Variants in OR7C1 observed in about 807,000 individuals in gnomAD.
OR7C1 encodes olfactory receptor 7C1.
For missense variants in OR7C1, 324 were observed against 383.3 expected, an observed-to-expected ratio of 0.85 and a Z score of 1.29; for synonymous variants, 152 against 160.7, an observed-to-expected ratio of 0.95 and a Z score of 0.41.
chr19:14,828,074 G>A, intron 1 of OR7C1: 2 of 1,614,206 alleles, frequency 1.2e-6, no homozygotes, highest in Non-Finnish European at 1.7e-6. Context: ...ACATGGGGGT[G>A]TGGAGGTGGG....
At chr19:14,801,259 G>GTTCTC (rs1568246935) in intron 2 of OR7C1, among the ~76,000 whole-genome samples, 1 of 152,080 alleles carries the variant, frequency 6.6e-6, no homozygotes, top group African/African-American at 2.4e-5. Context: ...TATCTGCATG[G>GTTCTC]AGTTGATACT....
At chr19:14,833,427 C>A (rs117594238) in intron 1 of OR7C1, among the ~76,000 whole-genome samples, 2,173 of 152,224 alleles carry the variant, frequency 0.014, 26 homozygotes, top group South Asian at 0.027. Flanking sequence ...TGCAGTGAGC[C>A]AAGATCGCAC....
At chr19:14,817,023 G>T (rs2044719324) in intron 1 of OR7C1, among the ~76,000 whole-genome samples, 1 of 152,048 alleles carries the variant, frequency 6.6e-6, no homozygotes, top group South Asian at 2.1e-4. Context: ...AGCAGATACA[G>T]GGAGCTGTGG....
At chr19:14,830,507 A>T (rs10412677) in intron 1 of OR7C1, among the ~76,000 whole-genome samples, 71,054 of 151,482 alleles carry the variant, frequency 0.47, 17,305 homozygotes, top group East Asian at 0.7. Context: ...AATAAAAGCG[A>T]CCCTGGTTAT....
At chr19:14,799,732 G>A (rs746455626) in exon 5 of OR7C1, 1 of 1,614,128 alleles carries the variant, frequency 6.2e-7, no homozygotes, top group Non-Finnish European at 8.5e-7. Flanking sequence ...GGGGGTTCAT[G>A]ATGACCGTAT....
intron 1 of OR7C1, among the ~76,000 whole-genome samples, chr19:14,812,510 G>A (rs753080566): frequency 6.6e-6 from 1 of 152,142 alleles, no homozygotes; most frequent in Non-Finnish European, 1.5e-5. Context: ...TGCATCCCCT[G>A]TCACGTACCC....
chr19:14,807,966 A>C (rs1305203809), intron 2 of OR7C1, among the ~76,000 whole-genome samples: 2 of 150,336 alleles, frequency 1.3e-5, no homozygotes, highest in Non-Finnish European at 3.0e-5. Context: ...AAATTTCTCT[A>C]CATCCTCACC....
chr19:14,799,483 G>A, exon 5 of OR7C1: 1 of 1,614,180 alleles, frequency 6.2e-7, no homozygotes, highest in Non-Finnish European at 8.5e-7. Flanking sequence ...CAATTTTATA[G>A]TAAGAGAAAA....
intron 1 of OR7C1, among the ~76,000 whole-genome samples, chr19:14,815,449 T>C (rs1018569294): frequency 5.3e-5 from 8 of 152,216 alleles, no homozygotes; most frequent in Non-Finnish European, 8.8e-5. Flanking sequence ...AGCCAACCCA[T>C]TGAGCATAAA....
Position 14,815,900 on chromosome 19 carries a change from C to T in OR7C1, c.-622-5907G>A, listed in dbSNP as rs1042602269. Among the ~76,000 whole-genome samples, 10 of 152,090 alleles carry T rather than the reference C, an allele frequency of 6.6e-5. No individual in the cohort carries two copies. The East Asian group carries it at 1.9e-3, about 29-fold the overall frequency. On this transcript the variant is annotated intron_variant, in intron 1 of 4. Coordinates refer to ENST00000641666, the Ensembl canonical transcript of OR7C1. Reference sequence around the variant, plus strand: ...ACAGTGGTGCAATCATGGCTCACTGCAGCCTCTACCTCCCCAGCTCAAACG... The same window carrying T: ...ACAGTGGTGCAATCATGGCTCACTGTAGCCTCTACCTCCCCAGCTCAAACG...
intron 2 of OR7C1, among the ~76,000 whole-genome samples, chr19:14,805,437 A>G (rs1225325744): frequency 1.7e-5 from 2 of 117,920 alleles, no homozygotes; most frequent in Non-Finnish European, 3.5e-5. Flanking sequence ...TTTTTTTTAG[A>G]CAGAATCTCA....
chr19:14,805,602 G>A (rs1300965864), intron 2 of OR7C1, among the ~76,000 whole-genome samples: 1 of 151,334 alleles, frequency 6.6e-6, no homozygotes, highest in East Asian at 1.9e-4. Context: ...TTTTAGTAGA[G>A]ACAGAGTTTT....
chr19:14,818,395 A>G (rs937092700), intron 1 of OR7C1, among the ~76,000 whole-genome samples: 3 of 152,096 alleles, frequency 2.0e-5, no homozygotes, highest in Admixed American at 6.6e-5. Context: ...CGCCCGGCTG[A>G]TAAGTCATAC....
At chr19:14,806,819 AT>A (rs1166292777) in intron 2 of OR7C1, among the ~76,000 whole-genome samples, 4 of 151,942 alleles carry the variant, frequency 2.6e-5, no homozygotes, top group Non-Finnish European at 5.9e-5. Flanking sequence ...TGTCTTTGAT[AT>A]TGTGAATAGT....
chr19:14,814,286 G>C (rs377093020), intron 1 of OR7C1, among the ~76,000 whole-genome samples: 1 of 147,686 alleles, frequency 6.8e-6, no homozygotes, highest in African/African-American at 2.7e-5. Flanking sequence ...CATCTGATAA[G>C]GGATTCATAT....
intron 4 of OR7C1, 22 bp downstream of exon 4, chr19:14,800,234 G>C (rs1273963864): frequency 2.3e-6 from 3 of 1,329,798 alleles, no homozygotes; most frequent in Admixed American, 4.7e-5. Flanking sequence ...TTAAGTGAAG[G>C]AATCAATTAA....
chr19:14,826,694 C>A (rs112599212), intron 1 of OR7C1: 2 of 152,158 alleles, frequency 1.3e-5, no homozygotes, highest in African/African-American at 4.8e-5. Flanking sequence ...GCATTGCACT[C>A]GGAACATATT....
At chr19:14,834,858 G>A (rs188192125) in intron 1 of OR7C1, among the ~76,000 whole-genome samples, 42 of 152,158 alleles carry the variant, frequency 2.8e-4, no homozygotes, top group East Asian at 2.1e-3. Flanking sequence ...GTCAATAGTC[G>A]TCACCCTTGC....
exon 2 of OR7C1, chr19:14,809,824 C>G (rs2044682627): frequency 6.6e-6 from 1 of 152,046 alleles, no homozygotes; most frequent in African/African-American, 2.4e-5. Context: ...TCTGGCTTCT[C>G]TTGATATCCC....
Sources: allele counts gnomAD v4.1 joint callset (sites outside exome capture counted in the v4.1 genomes callset), GRCh38; gene constraint gnomAD v4.1.1; transcripts MANE v1.5; gene names NCBI Gene and HGNC (gene_info 2026-07-23, HGNC 2026-07-21).